APBA1: variants seen among roughly 807,000 people sequenced by gnomAD.
APBA1 encodes amyloid beta precursor protein binding family A member 1, also known as amyloid-beta A4 precursor protein-binding family A member 1.
A neutral mutation model predicts 86.6 loss-of-function variants in APBA1; 55 were observed. The ratio of observed to expected loss-of-function variants is 0.64; its 90% CI spans 0.51 to 0.80. APBA1 has a LOEUF of 0.80. APBA1 is among the 30% of genes least tolerant of loss of function. The probability of loss-of-function intolerance (pLI) is 0.00; values close to 1 mark genes in which losing one functional copy is unlikely to be tolerated. For missense variants in APBA1, 1,090 were observed against 1,183.0 expected, an observed-to-expected ratio of 0.92 and a Z score of 1.15; for synonymous variants, 511 against 493.9, an observed-to-expected ratio of 1.03 and a Z score of -0.46.
At chr9:69,525,391 C>A (rs1244506957) in intron 1 of APBA1, among the ~76,000 whole-genome samples, 1 of 152,058 alleles carries the variant, frequency 6.6e-6, no homozygotes, top group Non-Finnish European at 1.5e-5. Flanking sequence ...ACTTTCAGGA[C>A]ATGACATCAA....
At chr9:69,557,061 G>A (rs1425764030) in intron 1 of APBA1, among the ~76,000 whole-genome samples, 2 of 152,214 alleles carry the variant, frequency 1.3e-5, no homozygotes, top group Admixed American at 1.3e-4. Context: ...TAAGAATGCT[G>A]TAGATGAACA....
intron 2 of APBA1, among the ~76,000 whole-genome samples, chr9:69,488,650 A>G (rs1220104060): frequency 1.3e-5 from 2 of 152,142 alleles, no homozygotes; most frequent in East Asian, 1.9e-4. Flanking sequence ...AAGACGGGCA[A>G]GGGGTGGAGA....
At chr9:69,660,608 CT>C (rs1381396719) in intron 1 of APBA1, among the ~76,000 whole-genome samples, 4 of 152,136 alleles carry the variant, frequency 2.6e-5, no homozygotes, top group Non-Finnish European at 4.4e-5. Context: ...ATCTCAAAGC[CT>C]TATATTTAAT....
At chr9:69,495,697 GA>G in intron 2 of APBA1, among the ~76,000 whole-genome samples, 1 of 152,194 alleles carries the variant, frequency 6.6e-6, no homozygotes, top group Non-Finnish European at 1.5e-5. Context: ...ACTCGGCTCT[GA>G]ATTGCTACCA....
intron 11 of APBA1, among the ~76,000 whole-genome samples, chr9:69,436,414 T>C (rs922897935): frequency 1.1e-4 from 17 of 152,200 alleles, no homozygotes; most frequent in African/African-American, 4.1e-4. Flanking sequence ...CCCATGAGCA[T>C]GGAATGTTCT....
At chr9:69,455,013 C>T (rs748420438) in intron 8 of APBA1, among the ~76,000 whole-genome samples, 6 of 152,134 alleles carry the variant, frequency 3.9e-5, no homozygotes, top group Non-Finnish European at 8.8e-5. Flanking sequence ...AAGATGGTGA[C>T]AGTAAGTGTT....
At chr9:69,569,170 T>C (rs1837076356) in intron 1 of APBA1, among the ~76,000 whole-genome samples, 1 of 152,134 alleles carries the variant, frequency 6.6e-6, no homozygotes, top group African/African-American at 2.4e-5. Context: ...TTGGTCACCT[T>C]CCTAGGGAGG....
rs1554709948 is a variant in APBA1, at chr9:69,658,282, T to TTCTTTCTTTCTCTC, written c.-70+13870_-70+13871insGAGAGAAAGAAAGA. The stretch of plus-strand genomic sequence containing the variant: ...TTTCTTTCTTTCTTTCTTTCTTTCT[T>TTCTTTCTTTCTCTC]TCTCTCTCTCTTTCTCTCTCTCTCT... On this transcript the variant is annotated intron_variant, in intron 1 of 12. Coordinates refer to ENST00000265381, the MANE Select transcript of APBA1 (RefSeq NM_001163.4). Among the ~76,000 whole-genome samples the TTCTTTCTTTCTCTC allele has an allele frequency of 1.9e-3, 76 of 39,842 alleles. 4 individuals are homozygous for TTCTTTCTTTCTCTC. Among genetic ancestry groups the TTCTTTCTTTCTCTC allele is most frequent in the Non-Finnish European group, 2.7e-3 (44 of 16,006 alleles). The allele number at this position is 39,842 out of a possible 152,430, so 26.1% of individuals were successfully genotyped here.
At chr9:69,667,891 C>T (rs1432970471) in intron 1 of APBA1, among the ~76,000 whole-genome samples, 3 of 152,056 alleles carry the variant, frequency 2.0e-5, no homozygotes, top group Non-Finnish European at 4.4e-5. Context: ...CAAGGAAATC[C>T]AAGAGTCAAA....
Position 69,457,062 on chromosome 9 carries a change from G to C in APBA1, c.1593C>G (p.Ala531=), listed in dbSNP as rs762818491. The C allele has an allele frequency of 6.2e-7, 1 of 1,613,970 alleles. No homozygotes were observed. Among genetic ancestry groups the C allele is most frequent in the South Asian group, 1.1e-5 (1 of 91,078 alleles). The change falls in exon 7 of 13, where the codon GCC becomes GCG. Residue 531 remains alanine (A), a synonymous_variant. Transcript: ENST00000265381. The part of the protein sequence containing the change: ...ISTQRIKVLN[A]DTQETMMDHP... ...GGAAGCCAGCTGATACCTGTGTGTC[G>C]GCGTTCAGCACTTTGATTCTCTGGG...
At chr9:69,524,960 A>G (rs1836319385) in intron 1 of APBA1, among the ~76,000 whole-genome samples, 1 of 152,274 alleles carries the variant, frequency 6.6e-6, no homozygotes, top group African/African-American at 2.4e-5. Context: ...CACCACATAA[A>G]CAGAATTGAA....
chr9:69,553,739 G>T (rs183985413), intron 1 of APBA1, among the ~76,000 whole-genome samples: 6 of 152,172 alleles, frequency 3.9e-5, no homozygotes, highest in Non-Finnish European at 7.3e-5. Context: ...AGGAGCCACA[G>T]ATCTTTTCTA....
At chr9:69,560,801 T>C (rs559597155) in intron 1 of APBA1, among the ~76,000 whole-genome samples, 15 of 152,232 alleles carry the variant, frequency 9.9e-5, no homozygotes, top group South Asian at 2.1e-4. Flanking sequence ...CCTTTGAGCA[T>C]GACCTCTGAG....
intron 1 of APBA1, among the ~76,000 whole-genome samples, chr9:69,665,666 A>T (rs1220792944): frequency 6.6e-6 from 1 of 152,226 alleles, no homozygotes; most frequent in Non-Finnish European, 1.5e-5. Flanking sequence ...TGAAACAAGG[A>T]AGAAGAAAAG....
chr9:69,468,793 T>G (rs1835321308), intron 4 of APBA1, among the ~76,000 whole-genome samples: 2 of 152,246 alleles, frequency 1.3e-5, no homozygotes, highest in Admixed American at 1.3e-4. Flanking sequence ...TGTCTGTGAT[T>G]AATATATAAC....
intron 1 of APBA1, among the ~76,000 whole-genome samples, chr9:69,567,800 GT>G (rs1164802619): frequency 6.6e-6 from 1 of 152,130 alleles, no homozygotes; most frequent in East Asian, 1.9e-4. Context: ...GGGACATCCT[GT>G]GGGGGACTCC....
intron 1 of APBA1, among the ~76,000 whole-genome samples, chr9:69,574,476 T>C (rs182998661): frequency 9.9e-5 from 15 of 152,196 alleles, no homozygotes; most frequent in Non-Finnish European, 1.9e-4. Flanking sequence ...TTAAAAAAAA[T>C]CCTCTCTATA....
chr9:69,503,138 G>T (rs566979426), intron 2 of APBA1, among the ~76,000 whole-genome samples: 1 of 152,214 alleles, frequency 6.6e-6, no homozygotes, highest in East Asian at 1.9e-4. Flanking sequence ...AAAATGTACA[G>T]AAGTGTTTGC....
intron 3 of APBA1, chr9:69,474,245 A>C (rs1014373449): frequency 6.6e-6 from 1 of 152,216 alleles, no homozygotes; most frequent in African/African-American, 2.4e-5. Context: ...TGTGACCTGC[A>C]AACACTTTCT....
Sources: gnomAD v4.1 joint callset for allele counts (sites outside exome capture counted in the v4.1 genomes callset) on GRCh38, gnomAD v4.1.1 for gene constraint, MANE v1.5 for transcripts, NCBI Gene and HGNC (gene_info 2026-07-23, HGNC 2026-07-21) for gene names.